The following TOGARAM1 variants were observed in gnomAD, a reference collection of about 807,000 sequenced individuals.
TOGARAM1 encodes the protein TOG array regulator of axonemal microtubules 1.
In TOGARAM1, 100 loss-of-function variants were observed where a neutral mutation model predicts 166.6. The observed-to-expected ratio is 0.60, with a 90% CI of 0.51 to 0.71. TOGARAM1 has a LOEUF of 0.71. Among genes scored for constraint, TOGARAM1 ranks in the 30% least tolerant of loss-of-function variants. The pLI is 0.00. For missense variants in TOGARAM1, 2,029 were observed against 2,102.7 expected (o/e 0.96, Z 0.69); for synonymous variants, 758 against 763.8 (o/e 0.99, Z 0.13).
At chr14:45,049,754 C>CA (rs950762891) in intron 14 of TOGARAM1, among the ~76,000 whole-genome samples, 1 of 151,302 alleles carries the variant, frequency 6.6e-6, no homozygotes, top group African/African-American at 2.4e-5. Flanking sequence ...CGTTAATGTT[C>CA]AAAAAAATTC....
intron 1 of TOGARAM1, among the ~76,000 whole-genome samples, chr14:44,971,242 G>A (rs1885867948): frequency 6.6e-6 from 1 of 152,104 alleles, no homozygotes; most frequent in South Asian, 2.1e-4. Flanking sequence ...ACAGATACAG[G>A]CCTAGTCAGA....
At chr14:45,027,576 T>A (rs1345276647) in intron 9 of TOGARAM1, 102 bp downstream of exon 9, 4 of 954,986 alleles carry the variant, frequency 4.2e-6, no homozygotes, top group South Asian at 4.6e-5. Context: ...AATTAAAATT[T>A]AAAAAATCTT....
intron 1 of TOGARAM1, among the ~76,000 whole-genome samples, chr14:44,971,273 G>A (rs952584229): frequency 6.6e-6 from 1 of 152,070 alleles, no homozygotes; most frequent in African/African-American, 2.4e-5. Context: ...CTTCTTGTGT[G>A]TGTTTTTACA....
chr14:44,988,704 A>G (rs1886982607), intron 1 of TOGARAM1, among the ~76,000 whole-genome samples: 1 of 152,210 alleles, frequency 6.6e-6, no homozygotes, highest in Non-Finnish European at 1.5e-5. Context: ...CTCATTTCTA[A>G]CAACTGAAGT....
chr14:45,052,511 A>ATCTAAAGATTTGCCATATATTAAGGAC lies in TOGARAM1; in HGVS notation c.4393_4419dup (p.Lys1465_Ser1473dup). ...AAAAAATGCTTGAAAAGTATGTCCC[A>ATCTAAAGATTTGCCATATATTAAGGAC]TCTAAAGATTTGCCATATATTAAGG... On this transcript the variant is annotated inframe_insertion, in exon 15 of 20. Transcript: ENST00000361462. The ATCTAAAGATTTGCCATATATTAAGGAC allele has an allele frequency of 6.2e-7, 1 of 1,612,814 alleles. No individual in the cohort carries two copies. The highest frequency in any genetic ancestry group is 8.5e-7 in the Non-Finnish European group (1 of 1,179,378).
intron 1 of TOGARAM1, among the ~76,000 whole-genome samples, chr14:44,988,871 C>T (rs1310779480): frequency 1.3e-5 from 2 of 152,218 alleles, no homozygotes; most frequent in East Asian, 1.9e-4. Context: ...ACAGAGGCTT[C>T]CTGACAGTAA....
At chr14:44,971,831 T>C (rs1330357360) in intron 1 of TOGARAM1, among the ~76,000 whole-genome samples, 1 of 152,222 alleles carries the variant, frequency 6.6e-6, no homozygotes, top group Non-Finnish European at 1.5e-5. Flanking sequence ...TCTACAAGTA[T>C]GTTGGGGTTT....
chr14:45,068,876 C>G (rs1446825213), intron 18 of TOGARAM1, among the ~76,000 whole-genome samples: 2 of 151,718 alleles, frequency 1.3e-5, no homozygotes, highest in Non-Finnish European at 2.9e-5. Flanking sequence ...CTTTTTCTGC[C>G]TCAACCTCAC....
chr14:45,004,332 C>T lies in TOGARAM1; in HGVS notation c.2610C>T (p.Ser870=), dbSNP rs767265010. 48 of 1,613,490 alleles carry T rather than the reference C, an allele frequency of 3.0e-5. No individual in the cohort carries two copies. Among genetic ancestry groups the T allele is most frequent in the Non-Finnish European group, 3.8e-5 (45 of 1,179,830 alleles). Residue 870 remains serine (S), a synonymous_variant, in exon 4 of 20, where the codon AGC becomes AGT. Coordinates refer to ENST00000361462, the MANE Select transcript of TOGARAM1 (RefSeq NM_001308120.2). ...SKPSPQKKLV[S]QKSSDPTGRN... The stretch of plus-strand genomic sequence containing the variant: ...CAAGTCCACAGAAGAAGCTTGTCAG[C>T]CAAAAATCGTCTGATCCTACGGGTA...
At chr14:44,969,099 TTC>T (rs968942568) in intron 1 of TOGARAM1, among the ~76,000 whole-genome samples, 1 of 141,736 alleles carries the variant, frequency 7.1e-6, no homozygotes, top group Non-Finnish European at 1.5e-5. Flanking sequence ...GATACCTCAT[TTC>T]TTTCTTTCTT....
rs934879989 is a variant in TOGARAM1 at position 45,012,025 on chromosome 14, C to G, written c.3188C>G (p.Ser1063Cys). ...TCAAAACCTTGTCCAACAAGACTTT[C>G]TTCTGCAAAGAAAAAAATTTCTCAT... ...FGSKPCPTRL[S>C]SAKKKISHIA... is the part of the protein sequence containing the mutation. The change falls in exon 7 of 20, where the codon TCT (serine) becomes TGT (cysteine). Residue 1063 changes from serine (S) to cysteine (C), a missense_variant. Transcript: ENST00000361462. 1.9e-6 allele frequency: 3 copies of G among 1,611,486 alleles called. No individual in the cohort carries two copies. Among genetic ancestry groups the G allele is most frequent in the Non-Finnish European group, 2.5e-6 (3 of 1,179,018 alleles).
intron 16 of TOGARAM1, among the ~76,000 whole-genome samples, chr14:45,057,793 C>T (rs1882711600): frequency 6.6e-6 from 1 of 152,010 alleles, no homozygotes; most frequent in South Asian, 2.1e-4. Flanking sequence ...TTCTGTTGTG[C>T]TCTAAGAAGA....
At chr14:44,992,067 TC>T (rs1887164971) in intron 1 of TOGARAM1, among the ~76,000 whole-genome samples, 1 of 90,782 alleles carries the variant, frequency 1.1e-5, no homozygotes, top group Non-Finnish European at 1.9e-5. Flanking sequence ...TGAGACCCTG[TC>T]TGTTAAAAAA....
chr14:45,006,292 CTTAAAAATATTTGCA>C, intron 5 of TOGARAM1, 25 bp downstream of exon 5: 1 of 1,517,846 alleles, frequency 6.6e-7, no homozygotes, highest in East Asian at 2.3e-5. Flanking sequence ...TTTTTAATGA[CTTAAAAATATTTGCA>C]ATTTTCTATA....
chr14:45,072,886 G>A (rs191181468), intron 19 of TOGARAM1, among the ~76,000 whole-genome samples: 15 of 152,274 alleles, frequency 9.9e-5, no homozygotes, highest in African/African-American at 3.4e-4. Flanking sequence ...TAGGGTACTT[G>A]GTTACATTAG....
rs76798803 is a variant in TOGARAM1, at chr14:44,969,742, T to C, written c.2046+5275T>C. On this transcript the variant is annotated intron_variant, in intron 1 of 19. Transcript: ENST00000361462. Reference sequence around the variant, plus strand: ...TTTTTATGAAGGGTGTCAGGTCTGTTTCTAGATTCATTTTTTTTTACATGT... The same window carrying C: ...TTTTTATGAAGGGTGTCAGGTCTGTCTCTAGATTCATTTTTTTTTACATGT... 2.4e-3 allele frequency among the ~76,000 whole-genome samples: 361 copies of C among 152,326 alleles called. 13 individuals carry two copies. The East Asian group carries it at 0.046, about 20-fold the overall frequency.
chr14:44,986,558 A>G (rs1886806980), intron 1 of TOGARAM1, among the ~76,000 whole-genome samples: 1 of 152,078 alleles, frequency 6.6e-6, no homozygotes, highest in South Asian at 2.1e-4. Flanking sequence ...TGGCCTTCCA[A>G]AGTGCTGGGA....
intron 6 of TOGARAM1, among the ~76,000 whole-genome samples, chr14:45,011,130 A>G (rs1879762501): frequency 6.6e-6 from 1 of 152,180 alleles, no homozygotes; most frequent in South Asian, 2.1e-4. Flanking sequence ...TAATGAAAAA[A>G]GGCCTATAGG....
At chr14:45,045,485 GC>G (rs1305294797) in intron 13 of TOGARAM1, among the ~76,000 whole-genome samples, 2 of 137,604 alleles carry the variant, frequency 1.5e-5, no homozygotes, top group East Asian at 4.3e-4. Context: ...CAAGTTTGCT[GC>G]AAAAGACACT....
Sources: allele counts gnomAD v4.1 joint callset (sites outside exome capture counted in the v4.1 genomes callset), GRCh38; gene constraint gnomAD v4.1.1; transcripts MANE v1.5; gene names NCBI Gene and HGNC (gene_info 2026-07-23, HGNC 2026-07-21).